BCR: variants seen among roughly 807,000 people sequenced by gnomAD.
BCR encodes BCR activator of RhoGEF and GTPase, also known as breakpoint cluster region protein.
BCR carries 58 observed loss-of-function variants against 138.6 expected under a neutral mutation model. The ratio of observed to expected loss-of-function variants is 0.42; its 90% CI spans 0.34 to 0.52. BCR has a LOEUF of 0.52. Ranked by LOEUF, BCR falls within the 20% of genes least tolerant of loss-of-function variation. BCR has a pLI of 0.06. For synonymous variants in BCR, 786 were observed against 730.1 expected (o/e 1.08, Z -1.23); for missense variants, 1,599 against 1,727.2 (o/e 0.93, Z 1.32).
chr22:23,206,171 A>T (rs2146214185), intron 1 of BCR, among the ~76,000 whole-genome samples: 1 of 152,322 alleles, frequency 6.6e-6, no homozygotes, highest in Admixed American at 6.5e-5. Context: ...ATTCCCTGAA[A>T]CAAGGCTGGC....
intron 4 of BCR, chr22:23,263,992 C>T (rs1452987859): frequency 1.1e-6 from 1 of 892,578 alleles, no homozygotes; most frequent in Non-Finnish European, 1.9e-6. Context: ...AGAGACTTTC[C>T]CCCAAGGGCT....
intron 9 of BCR, among the ~76,000 whole-genome samples, chr22:23,284,639 TC>T (rs2073690066): frequency 6.6e-6 from 1 of 152,072 alleles, no homozygotes; most frequent in Non-Finnish European, 1.5e-5. Flanking sequence ...GAGCCTTAGT[TC>T]CCCCATCTGT....
rs948489224 is a variant in BCR, at chr22:23,261,325, C to T, written c.1567-30C>T. On this transcript the variant is annotated intron_variant, in intron 3 of 22. Coordinates refer to ENST00000305877, the MANE Select transcript of BCR (RefSeq NM_004327.4). ...CCTGACGGATGGCAGCCCCTCTCAC[C>T]TGTGCTACCTCACTTGTGCCCTCTT... 6 of 1,599,062 alleles carry T rather than the reference C, an allele frequency of 3.8e-6. No homozygotes were observed. The Admixed American group carries it at 8.4e-5, about 22-fold the overall frequency.
At chr22:23,225,023 G>T (rs1183182209) in intron 1 of BCR, among the ~76,000 whole-genome samples, 1 of 151,900 alleles carries the variant, frequency 6.6e-6, no homozygotes, top group East Asian at 1.9e-4. Flanking sequence ...ATTTGGAGCA[G>T]CTGGCTGGGA....
At position 23,285,220 on chromosome 22, in the gene BCR, A is replaced by AG. The variant is rs2073698040; in HGVS notation, c.2406+22dup. ...AGAGAAGGTGCACACCAGGGGAGCAAGGGCCGGGTTTGGTGTGGTCAGAGT... is the reference window on the plus strand; with the variant it reads ...AGAGAAGGTGCACACCAGGGGAGCAAGGGGCCGGGTTTGGTGTGGTCAGAGT... On this transcript the variant is annotated intron_variant, in intron 10 of 22. Transcript: ENST00000305877. 6.2e-7 allele frequency: 1 copy of AG among 1,603,090 alleles called. No homozygotes were observed. Among genetic ancestry groups the AG allele is most frequent in the South Asian group, 1.1e-5 (1 of 89,778 alleles).
At position 23,315,903 on chromosome 22, in the gene BCR, T is replaced by C. The variant is rs748688142; in HGVS notation, c.*381T>C. 39 of 422,400 alleles carry C rather than the reference T, an allele frequency of 9.2e-5. No individual in the cohort carries two copies. The highest frequency in any genetic ancestry group is 1.5e-4 in the Non-Finnish European group (34 of 222,274). 26.2% of individuals were successfully genotyped at this position (422,400 alleles called of 1,614,324 possible). On this transcript the variant is annotated 3_prime_UTR_variant, in exon 23 of 23. Transcript: ENST00000305877. ...CGCCCTCTCTGGGGAGAAGGGAACG[T>C]GACTGGATTCCCTCACTGTTGTATC... is the stretch of plus-strand genomic sequence containing the variant.
chr22:23,188,183 T>C (rs2072371359), intron 1 of BCR, among the ~76,000 whole-genome samples: 1 of 151,978 alleles, frequency 6.6e-6, no homozygotes, highest in Non-Finnish European at 1.5e-5. Context: ...CTGGGTGGAG[T>C]CTGAGGCCGC....
intron 12 of BCR, 65 bp downstream of exon 12, chr22:23,288,237 G>A (rs1032882500): frequency 6.7e-7 from 1 of 1,492,048 alleles, no homozygotes; most frequent in South Asian, 1.1e-5. Flanking sequence ...GGCAGCTCCT[G>A]TGGTTTTAAA....
chr22:23,228,158 T>A lies in BCR; in HGVS notation c.1280-25641T>A, dbSNP rs144319297. ...AGTCTGTTACTTCTTTTTGTTGGGT[T>A]TACTTTGTTCATCTTTTAAAAAAAA... On this transcript the variant is annotated intron_variant, in intron 1 of 22. Coordinates refer to ENST00000305877, the MANE Select transcript of BCR (RefSeq NM_004327.4). Among the ~76,000 whole-genome samples, 552 of 152,328 alleles carry A rather than the reference T, an allele frequency of 3.6e-3. 10 individuals are homozygous for A. The highest frequency in any genetic ancestry group is 0.012 in the African/African-American group (519 of 41,580).
Position 23,182,097 on chromosome 22 carries a change from C to G in BCR, c.1137C>G (p.Asp379Glu). The G allele has an allele frequency of 6.2e-7, 1 of 1,613,094 alleles. No homozygotes were observed. Among genetic ancestry groups the G allele is most frequent in the African/African-American group, 1.3e-5 (1 of 75,084 alleles). Reference protein sequence around the residue: ...SPSQNSQQSFDSSSPPTPQCH... With the variant: ...SPSQNSQQSFESSSPPTPQCH... Reference sequence around the variant, plus strand: ...CGCAGAACTCGCAACAGTCCTTCGACAGCAGCAGTCCCCCCACGCCGCAGT... The same window carrying G: ...CGCAGAACTCGCAACAGTCCTTCGAGAGCAGCAGTCCCCCCACGCCGCAGT... Residue 379 changes from aspartate to glutamate, a missense_variant, in exon 1 of 23, where the codon GAC becomes GAG. Around this residue, in one of 4 missense-constraint regions of BCR, gnomAD observed 806 missense variants for 635.0 expected, o/e 1.27. Transcript: ENST00000305877.
intron 2 of BCR, among the ~76,000 whole-genome samples, chr22:23,259,145 C>T (rs2073329439): frequency 6.6e-6 from 1 of 152,278 alleles, no homozygotes; most frequent in African/African-American, 2.4e-5. Context: ...GCATCATCAT[C>T]TTTGGTGTCA....
At chr22:23,230,393 A>G (rs532477233) in intron 1 of BCR, among the ~76,000 whole-genome samples, 15 of 152,308 alleles carry the variant, frequency 9.8e-5, no homozygotes, top group African/African-American at 3.4e-4. Context: ...CTTAGACAGC[A>G]TTCTGAGGGT....
chr22:23,263,534 C>T, intron 4 of BCR: 15 of 1,576,484 alleles, frequency 9.5e-6, no homozygotes, highest in Non-Finnish European at 1.3e-5. Context: ...CTAATTTCAT[C>T]CTGGCCTACC....
At chr22:23,187,554 G>A (rs1299871006) in intron 1 of BCR, among the ~76,000 whole-genome samples, 1 of 148,886 alleles carries the variant, frequency 6.7e-6, no homozygotes, top group Non-Finnish European at 1.5e-5. Context: ...GGCTGGCCTC[G>A]AACTCCTGGG....
chr22:23,202,261 CA>C (rs1301717954), intron 1 of BCR, among the ~76,000 whole-genome samples: 4 of 151,744 alleles, frequency 2.6e-5, no homozygotes, highest in African/African-American at 4.8e-5. Flanking sequence ...TTAAAGCAGC[CA>C]ATTTAATGGG....
At chr22:23,200,081 C>T (rs1479473766) in intron 1 of BCR, among the ~76,000 whole-genome samples, 3 of 143,190 alleles carry the variant, frequency 2.1e-5, no homozygotes, top group African/African-American at 5.6e-5. Context: ...AGCAAGACTG[C>T]GTCTCAAAAA....
chr22:23,297,216 T>TG (rs2073855536), intron 16 of BCR, among the ~76,000 whole-genome samples: 1 of 140,388 alleles, frequency 7.1e-6, no homozygotes, highest in African/African-American at 3.0e-5. Flanking sequence ...TGTTTTTTGT[T>TG]TTTTGTTTTT....
chr22:23,294,220 A>G (rs2073820327), intron 15 of BCR, among the ~76,000 whole-genome samples: 1 of 151,974 alleles, frequency 6.6e-6, no homozygotes. Flanking sequence ...GCCTGCATTA[A>G]CCCATCATTA....
intron 1 of BCR, among the ~76,000 whole-genome samples, chr22:23,184,428 T>G (rs2146193176): frequency 6.6e-6 from 1 of 152,256 alleles, no homozygotes; most frequent in South Asian, 2.1e-4. Flanking sequence ...ACTTAAACAT[T>G]TTTAAAAGGG....
Sources: gnomAD v4.1 joint callset for allele counts (sites outside exome capture counted in the v4.1 genomes callset) on GRCh38, gnomAD v4.1.1 for gene constraint, gnomAD v4.1.1 regional missense constraint, MANE v1.5 for transcripts, NCBI Gene and HGNC (gene_info 2026-07-23, HGNC 2026-07-21) for gene names.